Variants in RNF145 observed in about 807,000 individuals in gnomAD.
The protein encoded by RNF145 is ring finger protein 145.
Under a neutral mutation model 57.3 loss-of-function variants are expected in RNF145, and 12 were observed. That is an observed-to-expected ratio of 0.21 (90% CI 0.13 to 0.34). RNF145 has a LOEUF of 0.34. Among genes scored for constraint, RNF145 ranks in the 10% least tolerant of loss-of-function variants. RNF145 has a pLI of 1.00. For missense variants in RNF145, 429 were observed against 799.0 expected (o/e 0.54, Z 5.58); for synonymous variants, 262 against 288.3 (o/e 0.91, Z 0.92).
At chr5:159,174,371 ACTTAT>A (rs1784647869) in intron 5 of RNF145, among the ~76,000 whole-genome samples, 3 of 152,164 alleles carry the variant, frequency 2.0e-5, no homozygotes, top group African/African-American at 7.2e-5. Flanking sequence ...CTTGACACAC[ACTTAT>A]CTAATAGCAC....
intron 3 of RNF145, among the ~76,000 whole-genome samples, chr5:159,193,336 A>T (rs1169240121): frequency 6.6e-6 from 1 of 152,152 alleles, no homozygotes; most frequent in African/African-American, 2.4e-5. Context: ...CAGAAGTTAA[A>T]GAGTAAGACA....
At chr5:159,201,069 A>G (rs143322101) in intron 2 of RNF145, among the ~76,000 whole-genome samples, 25 of 152,366 alleles carry the variant, frequency 1.6e-4, no homozygotes, top group Admixed American at 9.8e-4. Flanking sequence ...ACAAATATAT[A>G]TAAGTTAACC....
At position 159,197,031 on chromosome 5, in the gene RNF145, G is replaced by A. The variant is rs571395923; in HGVS notation, c.185-2207C>T. On this transcript the variant is annotated intron_variant, in intron 2 of 10. Coordinates refer to ENST00000424310, the MANE Select transcript of RNF145 (RefSeq NM_001199383.2). Reference sequence around the variant, plus strand: ...AAAGTATGACCCACTTGCATTCCTAGACATGGAAGATCCAAAATTAATGTG... The same window carrying A: ...AAAGTATGACCCACTTGCATTCCTAAACATGGAAGATCCAAAATTAATGTG... 2.6e-5 allele frequency among the ~76,000 whole-genome samples: 4 copies of A among 152,206 alleles called. No homozygotes were observed. In the South Asian group the frequency reaches 6.2e-4, roughly 24 times the overall value.
intron 4 of RNF145, among the ~76,000 whole-genome samples, chr5:159,179,885 A>T (rs1414021054): frequency 6.6e-6 from 1 of 152,162 alleles, no homozygotes; most frequent in Non-Finnish European, 1.5e-5. Context: ...CAATTTAATA[A>T]TAACTGAAAC....
intron 6 of RNF145, among the ~76,000 whole-genome samples, chr5:159,172,474 C>T (rs1307010003): frequency 6.6e-6 from 1 of 150,796 alleles, no homozygotes; most frequent in Non-Finnish European, 1.5e-5. Context: ...AGCCAGATTC[C>T]GTCTCAAAAA....
At chr5:159,187,005 G>A (rs1412197747) in intron 3 of RNF145, among the ~76,000 whole-genome samples, 3 of 149,660 alleles carry the variant, frequency 2.0e-5, no homozygotes. Context: ...AAACAGTTGG[G>A]CGTGGTAGCT....
At position 159,203,668 on chromosome 5, in the gene RNF145, A is replaced by G. The variant is rs1158023824; in HGVS notation, c.-39-12T>C. The G allele has an allele frequency of 6.5e-7, 1 of 1,526,860 alleles. No homozygotes were observed. The highest frequency in any genetic ancestry group is 2.0e-5 in the Admixed American group (1 of 51,032). 94.6% of individuals were successfully genotyped at this position (1,526,860 alleles called of 1,614,324 possible). Reference sequence around the variant, plus strand: ...TTCTTGGAGAAGACCTAAAATTCAGAAGACACAATATATAAAAATAAAAAG... The same window carrying G: ...TTCTTGGAGAAGACCTAAAATTCAGGAGACACAATATATAAAAATAAAAAG... On this transcript the variant is annotated splice_polypyrimidine_tract_variant and intron_variant, in intron 1 of 10. Transcript: ENST00000424310.
Position 159,203,426 on chromosome 5 carries a change from A to C in RNF145, c.184+8T>G. 6.6e-7 allele frequency: 1 copy of C among 1,523,808 alleles called. No homozygotes were observed. The highest frequency in any genetic ancestry group is 9.1e-7 in the Non-Finnish European group (1 of 1,097,900). 94.4% of individuals were successfully genotyped at this position (1,523,808 alleles called of 1,614,324 possible). A position where few individuals can be genotyped will look rare whatever the true frequency, so the allele number is the denominator to read the frequency against. Reference sequence around the variant, plus strand: ...TAGAAGATTAGAAAATGTGATGTAGACACTCACCTACATAATGCATATTAA... The same window carrying C: ...TAGAAGATTAGAAAATGTGATGTAGCCACTCACCTACATAATGCATATTAA... On this transcript the variant is annotated splice_region_variant and intron_variant, in intron 2 of 10. Transcript: ENST00000424310.
intron 6 of RNF145, among the ~76,000 whole-genome samples, chr5:159,171,530 A>C (rs556840179): frequency 2.6e-5 from 4 of 152,278 alleles, no homozygotes; most frequent in African/African-American, 9.6e-5. Context: ...ATTTCGACCT[A>C]GCTTTGGGGA....
intron 4 of RNF145, among the ~76,000 whole-genome samples, chr5:159,177,490 CCACAACCCAAAGGTAGTCCTAAGAA>C (rs1375881332): frequency 2.0e-5 from 3 of 151,840 alleles, no homozygotes; most frequent in Non-Finnish European, 4.4e-5. Context: ...TCTTATAATC[CCACAACCCAAAGGTAGTCCTAAGAA>C]CACCCTGGGG....
Position 159,158,458 on chromosome 5 carries a change from C to T in RNF145, c.*212G>A, listed in dbSNP as rs1040392479. 1.7e-6 allele frequency: 1 copy of T among 583,556 alleles called. No individual in the cohort carries two copies. Among genetic ancestry groups the T allele is most frequent in the Non-Finnish European group, 3.0e-6 (1 of 334,320 alleles). 36.1% of individuals were successfully genotyped at this position (583,556 alleles called of 1,614,324 possible). A position where few individuals can be genotyped will look rare whatever the true frequency, so the allele number is the denominator to read the frequency against. ...AACATCAGCAGAGAACATATAAATA[C>T]ATTTTGATTAGCATACATTGCAAAA... On this transcript the variant is annotated 3_prime_UTR_variant, in exon 11 of 11. Transcript: ENST00000424310.
At position 159,209,506 on chromosome 5, in the gene RNF145, G is replaced by GGCGGCGGCGGCGGCA. The variant is rs1483854906; in HGVS notation, c.-316_-315insTGCCGCCGCCGCCGC. 2.9e-5 allele frequency: 28 copies of GGCGGCGGCGGCGGCA among 981,128 alleles called. No individual in the cohort carries two copies. The highest frequency in any genetic ancestry group is 7.1e-5 in the African/African-American group (4 of 56,670). The allele number at this position is 981,128 out of a possible 1,614,324, so 60.8% of individuals were successfully genotyped here. On this transcript the variant is annotated 5_prime_UTR_variant, in exon 1 of 11. Coordinates refer to ENST00000424310, the MANE Select transcript of RNF145 (RefSeq NM_001199383.2). ...CCCCTTAGCAGCCGGCGCCGGCGTC[G>GGCGGCGGCGGCGGCA]GCGGCCATGGCCTCCTGCGTTTGCT... is the stretch of plus-strand genomic sequence containing the variant.
intron 4 of RNF145, 103 bp from the exon 5 acceptor site, chr5:159,176,970 A>G (rs1784740392): frequency 1.6e-6 from 1 of 644,018 alleles, no homozygotes; most frequent in African/African-American, 1.8e-5. Context: ...CAACTTTTGA[A>G]GAAGTCTAAC....
Position 159,209,450 on chromosome 5 carries a change from C to T in RNF145, c.-259G>A. 5 of 982,732 alleles carry T rather than the reference C, an allele frequency of 5.1e-6. No homozygotes were observed. The highest frequency in any genetic ancestry group is 6.0e-6 in the Non-Finnish European group (5 of 827,282). 60.9% of individuals were successfully genotyped at this position (982,732 alleles called of 1,614,324 possible). A position where few individuals can be genotyped will look rare whatever the true frequency, so the allele number is the denominator to read the frequency against. On this transcript the variant is annotated 5_prime_UTR_variant, in exon 1 of 11. Coordinates refer to ENST00000424310, the MANE Select transcript of RNF145 (RefSeq NM_001199383.2). ...GCGGCCCGGCCCGTACGGTCACCAT[C>T]GTCCGCGGCAGCAGGCGCTCGCGGG...
chr5:159,162,535 C>T (rs943754586), intron 9 of RNF145, among the ~76,000 whole-genome samples: 2 of 149,902 alleles, frequency 1.3e-5, no homozygotes, highest in African/African-American at 4.9e-5. Context: ...CCCGGGTTTA[C>T]GCCATTCTCC....
rs1160438155 is a variant in RNF145, at chr5:159,209,272, C to T, written c.-81G>A. 6.1e-6 allele frequency: 6 copies of T among 985,172 alleles called. No individual in the cohort carries two copies. Among genetic ancestry groups the T allele is most frequent in the Non-Finnish European group, 3.6e-6 (3 of 829,842 alleles). 61.0% of individuals were successfully genotyped at this position (985,172 alleles called of 1,614,324 possible). On this transcript the variant is annotated 5_prime_UTR_variant, in exon 1 of 11. Transcript: ENST00000424310. ...CCTCCCTGGGGAGCGGCGCTGCCGGCGGGCGGGCTCCGCAACTCCCCGGCT... is the reference window on the plus strand; with the variant it reads ...CCTCCCTGGGGAGCGGCGCTGCCGGTGGGCGGGCTCCGCAACTCCCCGGCT...
chr5:159,183,160 T>C (rs182431379), intron 3 of RNF145, among the ~76,000 whole-genome samples: 1 of 152,318 alleles, frequency 6.6e-6, no homozygotes, highest in Non-Finnish European at 1.5e-5. Context: ...ATCTAGCAAT[T>C]CTCCTTTATC....
chr5:159,169,735 G>A lies in RNF145; in HGVS notation c.882C>T (p.Leu294=), dbSNP rs748712577. 6.2e-7 allele frequency: 1 copy of A among 1,613,264 alleles called. No individual in the cohort carries two copies. The highest frequency in any genetic ancestry group is 8.5e-7 in the Non-Finnish European group (1 of 1,179,572). ...GATAACCCTGCAAGTAAAACTTGCA[G>A]AGTGTGAGAACACCCAAGGCAACAA... is the stretch of plus-strand genomic sequence containing the variant. ...VSFVALGVLT[L]CKFYLQGYRA... Residue 294 remains leucine (L), a synonymous_variant, in exon 7 of 11, where the codon CTC becomes CTT. Transcript: ENST00000424310.
intron 3 of RNF145, among the ~76,000 whole-genome samples, chr5:159,187,532 T>C (rs371804923): frequency 1.6e-4 from 24 of 152,138 alleles, no homozygotes; most frequent in African/African-American, 5.8e-4. Flanking sequence ...TTTCACTATG[T>C]TGGCCAGGCT....
Sources: gnomAD v4.1 joint callset for allele counts (sites outside exome capture counted in the v4.1 genomes callset) on GRCh38, gnomAD v4.1.1 for gene constraint, MANE v1.5 for transcripts, NCBI Gene and HGNC (gene_info 2026-07-23, HGNC 2026-07-21) for gene names.